Variants in PIWIL1 observed in about 807,000 individuals in gnomAD.
PIWIL1 encodes piwi like RNA-mediated gene silencing 1.
Under a neutral mutation model 114.4 loss-of-function variants are expected in PIWIL1, and 73 were observed. The ratio of observed to expected loss-of-function variants is 0.64; its 90% CI spans 0.53 to 0.78. The LOEUF is 0.78. PIWIL1 is among the 30% of genes least tolerant of loss of function. The probability of loss-of-function intolerance (pLI) is 0.00; values close to 1 mark genes in which losing one functional copy is unlikely to be tolerated. For synonymous variants in PIWIL1, 375 were observed against 369.0 expected, an observed-to-expected ratio of 1.02 and a Z score of -0.19; for missense variants, 723 against 1,063.1, an observed-to-expected ratio of 0.68 and a Z score of 4.45.
At position 130,342,266 on chromosome 12, in the gene PIWIL1, A is replaced by T. The variant is rs560293953; in HGVS notation, c.-12-314A>T. 59 of 339,634 alleles carry T rather than the reference A, an allele frequency of 1.7e-4. 1 individual carries two copies. Among genetic ancestry groups the T allele is most frequent in the African/African-American group, 1.1e-3 (53 of 48,106 alleles). The allele number at this position is 339,634 out of a possible 1,614,324, so 21.0% of individuals were successfully genotyped here. ...GGGAAAGAAAGAACCAGCCACCAGCATCCTAATTCTTTCAGCACTTTCTCC... is the reference window on the plus strand; with the variant it reads ...GGGAAAGAAAGAACCAGCCACCAGCTTCCTAATTCTTTCAGCACTTTCTCC... On this transcript the variant is annotated intron_variant, in intron 1 of 20. Transcript: ENST00000245255.
the PIWIL1 span, chr12:130,407,749 T>C: frequency 6.2e-7 from 1 of 1,614,036 alleles, no homozygotes; most frequent in Non-Finnish European, 8.5e-7. Context: ...TTGGGCGAGC[T>C]TTCTCTGGGG....
chr12:130,383,802 T>A, the PIWIL1 span: 3 of 152,234 alleles, frequency 2.0e-5, no homozygotes, highest in Non-Finnish European at 4.4e-5. Flanking sequence ...AGAAGTTATG[T>A]TTCACTGTAG....
chr12:130,344,933 T>G (rs1486757751), intron 3 of PIWIL1, among the ~76,000 whole-genome samples: 5 of 152,198 alleles, frequency 3.3e-5, no homozygotes, highest in Admixed American at 6.5e-5. Context: ...AGAATTTATT[T>G]AAAGAATGAG....
At chr12:130,418,309 G>A in the PIWIL1 span, among the ~76,000 whole-genome samples, 1 of 152,186 alleles carries the variant, frequency 6.6e-6, no homozygotes, top group Admixed American at 6.5e-5. Flanking sequence ...TTATGATTTT[G>A]TTGATAGTCC....
chr12:130,349,039 T>G (rs1197845834), intron 7 of PIWIL1, among the ~76,000 whole-genome samples, 200 bp from the exon 8 acceptor site: 1 of 152,240 alleles, frequency 6.6e-6, no homozygotes, highest in African/African-American at 2.4e-5. Context: ...TACATTCATT[T>G]AAAATGAAAC....
At chr12:130,386,472 TA>T in the PIWIL1 span, among the ~76,000 whole-genome samples, 16 of 61,424 alleles carry the variant, frequency 2.6e-4, no homozygotes, top group Admixed American at 8.3e-4. Flanking sequence ...CCATGCACAC[TA>T]CCCCTTCCTG....
chr12:130,357,722 G>A (rs1349074107), intron 14 of PIWIL1, among the ~76,000 whole-genome samples, 169 bp downstream of exon 14: 1 of 152,164 alleles, frequency 6.6e-6, no homozygotes, highest in African/African-American at 2.4e-5. Flanking sequence ...GCTAGCTTTA[G>A]TTGTGCACCT....
At chr12:130,391,181 CT>C in the PIWIL1 span, among the ~76,000 whole-genome samples, 1 of 152,232 alleles carries the variant, frequency 6.6e-6, no homozygotes, top group African/African-American at 2.4e-5. Flanking sequence ...GCACATGGGC[CT>C]GAGGAAGAGG....
At chr12:130,366,613 C>T (rs11060844) in intron 18 of PIWIL1, 5,209 of 152,360 alleles carry the variant, frequency 0.034, 180 homozygotes, top group East Asian at 0.13. Flanking sequence ...CGGTGAAACA[C>T]GAGTATGAAA....
rs776454826 is a variant in PIWIL1 at position 130,354,922 on chromosome 12, G to A, written c.1206G>A (p.Val402=). 6.2e-7 allele frequency: 1 copy of A among 1,613,700 alleles called. No homozygotes were observed. The stretch of plus-strand genomic sequence containing the variant: ...ATAAAATGCGTAATGATTTTAACGT[G>A]ATGAAAGACTTAGCCGTTCATACAA... The part of the protein sequence containing the change: ...LTDKMRNDFN[V]MKDLAVHTRL... Residue 402 remains valine, a synonymous_variant, in exon 11 of 21, where the codon GTG becomes GTA. Coordinates refer to ENST00000245255, the MANE Select transcript of PIWIL1 (RefSeq NM_004764.5).
At chr12:130,377,735 T>C in the PIWIL1 span, among the ~76,000 whole-genome samples, 1 of 152,232 alleles carries the variant, frequency 6.6e-6, no homozygotes, top group Non-Finnish European at 1.5e-5. Context: ...CCCTTTGGTG[T>C]GGCCCTGTGG....
the PIWIL1 span, chr12:130,412,573 G>A: frequency 6.4e-7 from 1 of 1,568,484 alleles, no homozygotes; most frequent in Non-Finnish European, 8.7e-7. Flanking sequence ...CAGGTGTTTT[G>A]TGGGATAAAA....
the PIWIL1 span, among the ~76,000 whole-genome samples, chr12:130,391,841 G>A: frequency 6.6e-6 from 1 of 152,184 alleles, no homozygotes; most frequent in Non-Finnish European, 1.5e-5. Flanking sequence ...CAGAGATGCT[G>A]CTCCTGATAA....
At chr12:130,384,390 T>G in the PIWIL1 span, among the ~76,000 whole-genome samples, 1 of 152,242 alleles carries the variant, frequency 6.6e-6, no homozygotes, top group Admixed American at 6.5e-5. Context: ...TAGCTTTAAC[T>G]GATGTCTGTT....
chr12:130,394,018 T>C, the PIWIL1 span, among the ~76,000 whole-genome samples: 3 of 152,200 alleles, frequency 2.0e-5, no homozygotes, highest in Admixed American at 6.5e-5. Flanking sequence ...ATTGACGTCT[T>C]TGGGGTAAGG....
intron 3 of PIWIL1, 103 bp downstream of exon 3, chr12:130,343,204 A>AGAAACAGTTTCTTATAAG (rs1252498669): frequency 1.4e-6 from 1 of 690,166 alleles, no homozygotes; most frequent in African/African-American, 1.8e-5. Context: ...AAACTGTTTA[A>AGAAACAGTTTCTTATAAG]GAAACATTTC....
rs367910970 is a variant in PIWIL1, at chr12:130,357,468, A to G, written c.1593-13A>G. On this transcript the variant is annotated splice_polypyrimidine_tract_variant and intron_variant, in intron 13 of 20. Coordinates refer to ENST00000245255, the MANE Select transcript of PIWIL1 (RefSeq NM_004764.5). ...ACTGTGTCTGAGTGTTGGATTGTGT[A>G]CTTTCATTCTAGGATTGAAGTGGAT... 6 of 1,603,606 alleles carry G rather than the reference A, an allele frequency of 3.7e-6. No homozygotes were observed. The African/African-American group carries it at 8.0e-5, about 21-fold the overall frequency.
the PIWIL1 span, chr12:130,424,647 C>T: frequency 5.0e-5 from 62 of 1,231,870 alleles, no homozygotes; most frequent in Non-Finnish European, 6.3e-5. This position sits in a 1 kb window ranked among gnomAD's most constrained non-coding sequence, Gnocchi z 9.8. Context: ...GGCCTCGTCG[C>T]CCCTGTAGGG....
the PIWIL1 span, chr12:130,414,528 T>A: frequency 2.4e-6 from 1 of 422,596 alleles, no homozygotes; most frequent in Non-Finnish European, 4.2e-6. Context: ...ACACTGCATG[T>A]GAAAGCATTG....
Sources: allele counts gnomAD v4.1 joint callset (sites outside exome capture counted in the v4.1 genomes callset), GRCh38; gene constraint gnomAD v4.1.1; non-coding constraint Gnocchi (gnomAD v3.1); transcripts MANE v1.5; gene names NCBI Gene and HGNC (gene_info 2026-07-23, HGNC 2026-07-21).